The following TTL variants were observed in gnomAD, a reference collection of about 807,000 sequenced individuals.
The protein encoded by TTL is tubulin tyrosine ligase, also known as tubulin--tyrosine ligase.
A neutral mutation model predicts 41.1 loss-of-function variants in TTL; 10 were observed. The ratio of observed to expected loss-of-function variants is 0.24; its 90% CI spans 0.15 to 0.41. The LOEUF is 0.41. Among genes scored for constraint, TTL ranks in the 10% least tolerant of loss-of-function variants. The pLI is 1.00. For missense variants in TTL, 367 were observed against 460.4 expected, an observed-to-expected ratio of 0.80 and a Z score of 1.86; for synonymous variants, 175 against 175.5, an observed-to-expected ratio of 1.00 and a Z score of 0.02.
intron 2 of TTL, among the ~76,000 whole-genome samples, chr2:112,490,566 ATC>A (rs1681353700): frequency 2.1e-5 from 3 of 141,936 alleles, no homozygotes; most frequent in South Asian, 4.5e-4. Context: ...ATCTTAGTAA[ATC>A]TTTTTTTTTT....
intron 5 of TTL, among the ~76,000 whole-genome samples, chr2:112,518,014 C>T (rs1310842100): frequency 2.0e-5 from 3 of 151,328 alleles, no homozygotes; most frequent in Non-Finnish European, 4.4e-5. Flanking sequence ...GACATGATCT[C>T]GGCTCACTGC....
Position 112,502,915 on chromosome 2 carries a change from C to G in TTL, c.609C>G (p.Ser203Arg). 1 of 1,600,378 alleles carries G rather than the reference C, an allele frequency of 6.2e-7. No individual in the cohort carries two copies. The highest frequency in any genetic ancestry group is 8.5e-7 in the Non-Finnish European group (1 of 1,171,852). ...CAGTGTTTTTGTTGAATTGCAGAAGCTGGGTCTTGGTGGATCATCAGTATA... is the reference window on the plus strand; with the variant it reads ...CAGTGTTTTTGTTGAATTGCAGAAGGTGGGTCTTGGTGGATCATCAGTATA... ...EPGHRKFDIRSWVLVDHQYNI... is the reference protein window; with the variant it reads ...EPGHRKFDIRRWVLVDHQYNI... Residue 203 changes from serine to arginine, a missense_variant, in exon 5 of 7, where the codon AGC (serine) becomes AGG (arginine). Transcript: ENST00000233336.
At chr2:112,499,529 C>T (rs1039309068) in intron 3 of TTL, among the ~76,000 whole-genome samples, 2 of 152,072 alleles carry the variant, frequency 1.3e-5, no homozygotes, top group Non-Finnish European at 2.9e-5. Flanking sequence ...GGATCGTGGA[C>T]CTAATAATTT....
intron 3 of TTL, among the ~76,000 whole-genome samples, chr2:112,496,302 A>G (rs1385906780): frequency 6.6e-6 from 1 of 152,168 alleles, no homozygotes; most frequent in East Asian, 1.9e-4. Flanking sequence ...AGAGATATAT[A>G]TTTGATATAT....
chr2:112,482,755 T>C lies in TTL; in HGVS notation c.157+254T>C, dbSNP rs990500974. Among the ~76,000 whole-genome samples, 14 of 151,960 alleles carry C rather than the reference T, an allele frequency of 9.2e-5. No individual in the cohort carries two copies. Among genetic ancestry groups the C allele is most frequent in the Non-Finnish European group, 1.8e-4 (12 of 67,964 alleles). ...GCAGCTACCTCCCGACGGTGACCGGTCCCTGCAGCCCGGGAGACGCTGGCC... is the reference window on the plus strand; with the variant it reads ...GCAGCTACCTCCCGACGGTGACCGGCCCCTGCAGCCCGGGAGACGCTGGCC... On this transcript the variant is annotated intron_variant, in intron 1 of 6. Coordinates refer to ENST00000233336, the MANE Select transcript of TTL (RefSeq NM_153712.5). The surrounding 1 kb of genome is among the most constrained non-coding windows in gnomAD (Gnocchi z 5.3).
At position 112,541,053 on chromosome 2, in the gene TTL, A is replaced by T. The variant is rs77897181; in HGVS notation, c.*12258A>T. On this transcript the variant is annotated 3_prime_UTR_variant, in exon 7 of 7. Coordinates refer to ENST00000233336, the MANE Select transcript of TTL (RefSeq NM_153712.5). The stretch of plus-strand genomic sequence containing the variant: ...GAATGCTTGAGGTGATGGAAACCCC[A>T]TCTACCCTCCTGTGATGATTACATC... 3.1e-4 allele frequency: 47 copies of T among 152,202 alleles called. No individual in the cohort carries two copies. The highest frequency in any genetic ancestry group is 2.4e-3 in the Admixed American group (37 of 15,274). The allele number at this position is 152,202 out of a possible 1,614,324, so 9.4% of individuals were successfully genotyped here. A position where few individuals can be genotyped will look rare whatever the true frequency, so the allele number is the denominator to read the frequency against.
Position 112,485,932 on chromosome 2 carries a change from T to C in TTL, c.173T>C (p.Leu58Pro), listed in dbSNP as rs1681228084. The C allele has an allele frequency of 6.2e-7, 1 of 1,614,078 alleles. No individual in the cohort carries two copies. Among genetic ancestry groups the C allele is most frequent in the Non-Finnish European group, 8.5e-7 (1 of 1,180,004 alleles). ...TCCTTCCTAGGTCACGAGCCCGGGC[T>C]GGTACAGTTGGTGAATTACTACAGG... ...PFGRLGHEPG[L>P]VQLVNYYRGA... Residue 58 changes from leucine (L) to proline (P), a missense_variant, in exon 2 of 7, where the codon CTG becomes CCG. Leu to Pro is a moderately conservative substitution (Grantham distance 98). Transcript: ENST00000233336.
At chr2:112,498,343 C>G (rs546637187) in intron 3 of TTL, among the ~76,000 whole-genome samples, 332 of 152,112 alleles carry the variant, frequency 2.2e-3, no homozygotes, top group African/African-American at 7.6e-3. Flanking sequence ...CAAAAAACTA[C>G]AGTACTACTT....
intron 3 of TTL, among the ~76,000 whole-genome samples, chr2:112,499,747 A>G (rs1436559866): frequency 6.6e-6 from 1 of 152,234 alleles, no homozygotes; most frequent in Non-Finnish European, 1.5e-5. Context: ...GATCTAGAAT[A>G]TGTAAACAAC....
chr2:112,495,271 C>G (rs1432575921), intron 3 of TTL, among the ~76,000 whole-genome samples: 1 of 152,170 alleles, frequency 6.6e-6, no homozygotes, highest in Admixed American at 6.5e-5. Context: ...CTTTCTTTCC[C>G]TTTCCCCTGC....
chr2:112,516,926 T>C (rs572797532), intron 5 of TTL, among the ~76,000 whole-genome samples: 6 of 152,288 alleles, frequency 3.9e-5, no homozygotes, highest in African/African-American at 1.4e-4. Flanking sequence ...GAATTCCTAT[T>C]TTAGGCAAAA....
intron 6 of TTL, among the ~76,000 whole-genome samples, chr2:112,526,819 C>T (rs1390664836): frequency 6.6e-6 from 1 of 151,986 alleles, no homozygotes; most frequent in Non-Finnish European, 1.5e-5. Context: ...TTATTTCTTG[C>T]CTTCTGCTAG....
Position 112,520,299 on chromosome 2 carries a change from T to A in TTL, c.893T>A (p.Val298Glu). ...KHIIRNCLLS[V>E]EPAISTKHLP... ...CCTCATAGGAACTGCCTCCTGAGCG[T>A]GGAGCCTGCCATTAGCACCAAGCAC... is the stretch of plus-strand genomic sequence containing the variant. Residue 298 changes from valine to glutamate, a missense_variant, in exon 6 of 7, where the codon GTG becomes GAG. Val to Glu is a moderately radical substitution (Grantham distance 121). Coordinates refer to ENST00000233336, the MANE Select transcript of TTL (RefSeq NM_153712.5). 1 of 1,614,170 alleles carries A rather than the reference T, an allele frequency of 6.2e-7. No individual in the cohort carries two copies. The highest frequency in any genetic ancestry group is 8.5e-7 in the Non-Finnish European group (1 of 1,180,002).
At chr2:112,526,455 C>T (rs1682375064) in intron 6 of TTL, among the ~76,000 whole-genome samples, 1 of 152,166 alleles carries the variant, frequency 6.6e-6, no homozygotes, top group Admixed American at 6.5e-5. Context: ...ATTATTGCCT[C>T]AATTTCAGAG....
intron 3 of TTL, among the ~76,000 whole-genome samples, chr2:112,496,866 G>T (rs568206105): frequency 2.6e-4 from 39 of 151,762 alleles, no homozygotes; most frequent in African/African-American, 9.4e-4. Flanking sequence ...TGTCACCCAG[G>T]CTGGAGTGCA....
At chr2:112,526,724 T>C (rs1162065323) in intron 6 of TTL, among the ~76,000 whole-genome samples, 3 of 152,282 alleles carry the variant, frequency 2.0e-5, no homozygotes, top group Non-Finnish European at 2.9e-5. Context: ...TTTGTTGATC[T>C]TTTCAAAAAA....
intron 6 of TTL, among the ~76,000 whole-genome samples, chr2:112,524,796 T>G (rs1330928571): frequency 1.3e-5 from 2 of 152,312 alleles, no homozygotes; most frequent in Non-Finnish European, 2.9e-5. Flanking sequence ...TTAGTTTAAT[T>G]AGATCCCATT....
intron 5 of TTL, 152 bp from the exon 6 acceptor site, chr2:112,520,130 C>CAA (rs34238996): frequency 0.011 from 5,344 of 501,360 alleles, no homozygotes; most frequent in Middle Eastern, 0.013. Flanking sequence ...AACTCCGTCT[C>CAA]AAAAAAAAAA....
rs1681123200 is a variant in TTL at position 112,482,628 on chromosome 2, A to G, written c.157+127A>G. On this transcript the variant is annotated intron_variant, in intron 1 of 6. Coordinates refer to ENST00000233336, the MANE Select transcript of TTL (RefSeq NM_153712.5). This position sits in a 1 kb window ranked among gnomAD's most constrained non-coding sequence, Gnocchi z 5.3. ...TTCTCCTCTGTCGCTTGTCGGGCAC[A>G]TCAGAAACGGATTCGGAAAGATCGA... 9.6e-7 allele frequency: 1 copy of G among 1,042,274 alleles called. No homozygotes were observed. The highest frequency in any genetic ancestry group is 3.5e-5 in the Admixed American group (1 of 28,726). The allele number at this position is 1,042,274 out of a possible 1,614,324, so 64.6% of individuals were successfully genotyped here. A position where few individuals can be genotyped will look rare whatever the true frequency, so the allele number is the denominator to read the frequency against.
Sources: allele counts gnomAD v4.1 joint callset (sites outside exome capture counted in the v4.1 genomes callset), GRCh38; gene constraint gnomAD v4.1.1; non-coding constraint Gnocchi (gnomAD v3.1); transcripts MANE v1.5; gene names NCBI Gene and HGNC (gene_info 2026-07-23, HGNC 2026-07-21).